The following MAMDC2 variants were observed in gnomAD, a reference collection of about 807,000 sequenced individuals.
MAMDC2 encodes MAM domain-containing protein 2.
In MAMDC2, 57 loss-of-function variants were observed where a neutral mutation model predicts 89.8. The observed-to-expected ratio is 0.63, with a 90% CI of 0.51 to 0.79. MAMDC2 has a LOEUF of 0.79. Ranked by LOEUF, MAMDC2 falls within the 30% of genes least tolerant of loss-of-function variation. MAMDC2 has a pLI of 0.00. For synonymous variants in MAMDC2, 313 were observed against 293.4 expected, an observed-to-expected ratio of 1.07 and a Z score of -0.68; for missense variants, 800 against 820.6, an observed-to-expected ratio of 0.97 and a Z score of 0.31.
chr9:70,191,590 TAG>T (rs907673505), intron 11 of MAMDC2, among the ~76,000 whole-genome samples: 1 of 152,094 alleles, frequency 6.6e-6, no homozygotes, highest in East Asian at 1.9e-4. Context: ...TATTTCCCAC[TAG>T]AGAGAGTTCA....
intron 11 of MAMDC2, 81 bp downstream of exon 11, chr9:70,170,712 T>C: frequency 7.4e-7 from 1 of 1,347,734 alleles, no homozygotes; most frequent in East Asian, 2.5e-5. Context: ...CATTTTGAAA[T>C]GTGCAAAATT....
intron 11 of MAMDC2, among the ~76,000 whole-genome samples, chr9:70,192,416 A>G (rs182345457): frequency 6.6e-6 from 1 of 152,138 alleles, no homozygotes; most frequent in East Asian, 1.9e-4. Context: ...TCTGAATGAT[A>G]TATTTGTGTG....
intron 2 of MAMDC2, among the ~76,000 whole-genome samples, chr9:70,059,437 A>G (rs1452328101): frequency 6.6e-6 from 1 of 152,188 alleles, no homozygotes; most frequent in Admixed American, 6.5e-5. Flanking sequence ...ACAGGAGAAT[A>G]ATGACCTGTG....
intron 2 of MAMDC2, among the ~76,000 whole-genome samples, chr9:70,093,212 A>G (rs886290783): frequency 3.9e-5 from 6 of 152,354 alleles, no homozygotes; most frequent in Non-Finnish European, 7.3e-5. Flanking sequence ...CTTGCACAAT[A>G]CATGAGAAAA....
chr9:70,046,062 G>A (rs1826744093), intron 2 of MAMDC2, among the ~76,000 whole-genome samples: 1 of 152,178 alleles, frequency 6.6e-6, no homozygotes, highest in Admixed American at 6.5e-5. Flanking sequence ...TGCGGGAGAT[G>A]GCCTTAGAAA....
At chr9:70,117,124 T>G (rs1045786196) in intron 5 of MAMDC2, among the ~76,000 whole-genome samples, 1 of 152,242 alleles carries the variant, frequency 6.6e-6, no homozygotes, top group Non-Finnish European at 1.5e-5. Context: ...AACACCAGAA[T>G]GACGCTTCTT....
intron 9 of MAMDC2, among the ~76,000 whole-genome samples, chr9:70,158,519 T>C (rs2031846712): frequency 6.6e-6 from 1 of 151,498 alleles, no homozygotes; most frequent in Non-Finnish European, 1.5e-5. Flanking sequence ...TATATACATA[T>C]AAATGTTTTC....
At chr9:70,106,373 A>G (rs12004033) in intron 2 of MAMDC2, among the ~76,000 whole-genome samples, 6,393 of 152,196 alleles carry the variant, frequency 0.042, 405 homozygotes, top group African/African-American at 0.14. Context: ...CCAACTCTCT[A>G]CTTCTTCGGA....
At chr9:70,107,723 G>A (rs977625572) in intron 2 of MAMDC2, among the ~76,000 whole-genome samples, 2 of 152,198 alleles carry the variant, frequency 1.3e-5, no homozygotes, top group Non-Finnish European at 2.9e-5. Flanking sequence ...AATGCAGATT[G>A]AAACATTAGG....
At chr9:70,129,394 G>A (rs1343709914) in intron 6 of MAMDC2, among the ~76,000 whole-genome samples, 2 of 152,088 alleles carry the variant, frequency 1.3e-5, no homozygotes, top group Non-Finnish European at 2.9e-5. Flanking sequence ...ACATGGAACT[G>A]TAAGTCCATT....
intron 2 of MAMDC2, 87 bp from the exon 3 acceptor site, chr9:70,108,124 C>A: frequency 1.5e-6 from 2 of 1,316,238 alleles, no homozygotes; most frequent in Non-Finnish European, 2.1e-6. Context: ...GGTTTATCTG[C>A]CCAGAGATTT....
Position 70,216,977 on chromosome 9 carries a change from G to A in MAMDC2, c.1652-1360G>A, listed in dbSNP as rs772092900. On this transcript the variant is annotated intron_variant, in intron 11 of 13. Coordinates refer to ENST00000377182, the MANE Select transcript of MAMDC2 (RefSeq NM_153267.5). ...ACCAATGTGAAATCACCTGGAGCTCGGACAGAATGCATACAATGGACTATT... is the reference window on the plus strand; with the variant it reads ...ACCAATGTGAAATCACCTGGAGCTCAGACAGAATGCATACAATGGACTATT... Among the ~76,000 whole-genome samples the A allele has an allele frequency of 8.5e-5, 13 of 152,252 alleles. No homozygotes were observed. In the East Asian group the frequency reaches 1.4e-3, roughly 16 times the overall value.
At chr9:70,132,571 G>A (rs935400961) in intron 7 of MAMDC2, among the ~76,000 whole-genome samples, 3 of 150,572 alleles carry the variant, frequency 2.0e-5, no homozygotes, top group African/African-American at 4.9e-5. Context: ...GGGGGGTCTC[G>A]CTCTGTCACC....
chr9:70,204,416 C>G (rs1176641455), intron 11 of MAMDC2, among the ~76,000 whole-genome samples: 1 of 151,596 alleles, frequency 6.6e-6, no homozygotes. Context: ...TGCCAGTTCT[C>G]AGATCTCCAG....
At position 70,062,178 on chromosome 9, in the gene MAMDC2, GATT is replaced by G. The variant is rs377129697; in HGVS notation, c.148+17482_148+17484del. ...CATTTTGTCATTTTTCCTCTTTTCTGATTTTTTTTAATTTCAAAAAATCAGAGT... is the reference window on the plus strand; with the variant it reads ...CATTTTGTCATTTTTCCTCTTTTCTGTTTTTTAATTTCAAAAAATCAGAGT... On this transcript the variant is annotated intron_variant, in intron 2 of 13. Coordinates refer to ENST00000377182, the MANE Select transcript of MAMDC2 (RefSeq NM_153267.5). Among the ~76,000 whole-genome samples the G allele has an allele frequency of 1.8e-4, 28 of 151,906 alleles. No individual in the cohort carries two copies. In the East Asian group the frequency reaches 3.3e-3, roughly 18 times the overall value.
rs940319622 is a variant in MAMDC2, at chr9:70,044,107, C to G, written c.-91C>G. 11 of 1,511,348 alleles carry G rather than the reference C, an allele frequency of 7.3e-6. No homozygotes were observed. In the East Asian group the frequency reaches 2.5e-4, roughly 34 times the overall value. 93.6% of individuals were successfully genotyped at this position (1,511,348 alleles called of 1,614,324 possible). On this transcript the variant is annotated 5_prime_UTR_variant, in exon 1 of 14. Coordinates refer to ENST00000377182, the MANE Select transcript of MAMDC2 (RefSeq NM_153267.5). ...TCCCTCCTTGGGTCCCCGGCGCCCCCGCCTCCCACGATCCCTTTCACTAGG... is the reference window on the plus strand; with the variant it reads ...TCCCTCCTTGGGTCCCCGGCGCCCCGGCCTCCCACGATCCCTTTCACTAGG...
intron 11 of MAMDC2, among the ~76,000 whole-genome samples, chr9:70,205,970 T>G (rs907449811): frequency 1.3e-5 from 1 of 79,386 alleles, no homozygotes; most frequent in Non-Finnish European, 2.7e-5. Context: ...CAAGTGTCAT[T>G]TGCAAGTCAA....
chr9:70,052,838 C>T (rs1188013380), intron 2 of MAMDC2, among the ~76,000 whole-genome samples: 1 of 152,160 alleles, frequency 6.6e-6, no homozygotes, highest in African/African-American at 2.4e-5. Context: ...CTGTAATTTC[C>T]AAATATAACA....
chr9:70,091,431 T>G (rs3015189), intron 2 of MAMDC2, among the ~76,000 whole-genome samples: 28,044 of 151,998 alleles, frequency 0.18, 3,628 homozygotes, highest in African/African-American at 0.37. Flanking sequence ...CACCATGACT[T>G]TCGAATCTAA....
Sources: gnomAD v4.1 joint callset for allele counts (sites outside exome capture counted in the v4.1 genomes callset) on GRCh38, gnomAD v4.1.1 for gene constraint, MANE v1.5 for transcripts, NCBI Gene and HGNC (gene_info 2026-07-23, HGNC 2026-07-21) for gene names.